The following GABBR2 variants were observed in gnomAD, a reference collection of about 807,000 sequenced individuals.
GABBR2 encodes the protein G-protein coupled receptor 51.
GABBR2 carries 23 observed loss-of-function variants against 105.6 expected under a neutral mutation model. That is an observed-to-expected ratio of 0.22 (90% CI 0.16 to 0.31). The LOEUF (loss-of-function observed/expected upper bound fraction) is 0.31. Among genes scored for constraint, GABBR2 ranks in the 10% least tolerant of loss-of-function variants. The pLI is 1.00. For missense variants in GABBR2, 734 were observed against 1,245.5 expected, an observed-to-expected ratio of 0.59 and a Z score of 6.18; for synonymous variants, 478 against 499.7, an observed-to-expected ratio of 0.96 and a Z score of 0.58.
chr9:98,290,506 G>A lies in GABBR2; in HGVS notation c.*78C>T, dbSNP rs776495192. 17 of 1,056,050 alleles carry A rather than the reference G, an allele frequency of 1.6e-5. No homozygotes were observed. The highest frequency in any genetic ancestry group is 4.9e-5 in the African/African-American group (3 of 60,816). The allele number at this position is 1,056,050 out of a possible 1,614,324, so 65.4% of individuals were successfully genotyped here. ...GCCCAGCTTCTCCGCAGCCAGAGCC[G>A]ACAGTGTTTCTGCAGCAGACCCCTC... On this transcript the variant is annotated 3_prime_UTR_variant, in exon 19 of 19. Coordinates refer to ENST00000259455, the MANE Select transcript of GABBR2 (RefSeq NM_005458.8).
At chr9:98,592,581 T>C (rs1002075725) in intron 1 of GABBR2, among the ~76,000 whole-genome samples, 18 of 152,198 alleles carry the variant, frequency 1.2e-4, no homozygotes, top group South Asian at 4.1e-4. Context: ...CAGGCTATCA[T>C]ACTCCAAACC....
At chr9:98,516,213 G>A (rs1827754581) in intron 3 of GABBR2, 2 of 152,382 alleles carry the variant, frequency 1.3e-5, no homozygotes, top group South Asian at 4.1e-4. Context: ...ATCACAATCA[G>A]AGAATGGTAA....
chr9:98,350,161 ATTGATT>A (rs1831372230), intron 13 of GABBR2, among the ~76,000 whole-genome samples: 1 of 116,890 alleles, frequency 8.6e-6, no homozygotes, highest in African/African-American at 3.3e-5. Flanking sequence ...CTAGTGGTTT[ATTGATT>A]TTATCTTCTC....
At chr9:98,603,459 T>C (rs1223390199) in intron 1 of GABBR2, among the ~76,000 whole-genome samples, 1 of 152,202 alleles carries the variant, frequency 6.6e-6, no homozygotes, top group Admixed American at 6.5e-5. Context: ...TCTTATCCAG[T>C]TTCCCCTTGG....
At chr9:98,659,383 C>T (rs1010101588) in intron 1 of GABBR2, among the ~76,000 whole-genome samples, 2 of 151,742 alleles carry the variant, frequency 1.3e-5, no homozygotes, top group Middle Eastern at 3.2e-3. Flanking sequence ...GAAAATCAGA[C>T]GATACAGATC....
chr9:98,306,404 C>A lies in GABBR2; in HGVS notation c.2005-59G>T. The A allele has an allele frequency of 8.5e-7, 1 of 1,172,752 alleles. No individual in the cohort carries two copies. Among genetic ancestry groups the A allele is most frequent in the Non-Finnish European group, 1.2e-6 (1 of 806,284 alleles). The allele number at this position is 1,172,752 out of a possible 1,614,324, so 72.6% of individuals were successfully genotyped here. A position where few individuals can be genotyped will look rare whatever the true frequency, so the allele number is the denominator to read the frequency against. ...GTTACCAAGGGGTGGCACACACAGG[C>A]TGCTCTGAGAAGCTGTGGAGTGGAG... On this transcript the variant is annotated intron_variant, in intron 14 of 18. Coordinates refer to ENST00000259455, the MANE Select transcript of GABBR2 (RefSeq NM_005458.8). The surrounding 1 kb of genome is among the most constrained non-coding windows in gnomAD (Gnocchi z 5.4).
Position 98,290,483 on chromosome 9 carries a change from C to T in GABBR2, c.*101G>A. ...GGTCCTGAGAGGCCAGCCATGGTGC[C>T]CAGCTTCTCCGCAGCCAGAGCCGAC... On this transcript the variant is annotated 3_prime_UTR_variant, in exon 19 of 19. Transcript: ENST00000259455. 1 of 870,886 alleles carries T rather than the reference C, an allele frequency of 1.1e-6. No homozygotes were observed. Among genetic ancestry groups the T allele is most frequent in the South Asian group, 4.9e-5 (1 of 20,426 alleles). The allele number at this position is 870,886 out of a possible 1,614,324, so 53.9% of individuals were successfully genotyped here.
chr9:98,514,965 G>A (rs1322721997), intron 3 of GABBR2, among the ~76,000 whole-genome samples: 1 of 152,112 alleles, frequency 6.6e-6, no homozygotes, highest in Non-Finnish European at 1.5e-5. Context: ...GGGGACTGGC[G>A]TGGCACCTGG....
At chr9:98,416,941 T>C (rs1264559556) in intron 7 of GABBR2, among the ~76,000 whole-genome samples, 2 of 152,174 alleles carry the variant, frequency 1.3e-5, no homozygotes, top group African/African-American at 4.8e-5. Flanking sequence ...TTTTGGGACT[T>C]GGTCCTCCAA....
At chr9:98,598,284 T>G (rs987266007) in intron 1 of GABBR2, among the ~76,000 whole-genome samples, 1 of 152,094 alleles carries the variant, frequency 6.6e-6, no homozygotes, top group Non-Finnish European at 1.5e-5. Context: ...GACAGGAGCG[T>G]CTTCATTTTC....
chr9:98,471,849 C>G (rs1826688675), intron 6 of GABBR2, among the ~76,000 whole-genome samples: 4 of 152,194 alleles, frequency 2.6e-5, no homozygotes, highest in Non-Finnish European at 5.9e-5. Context: ...ATAACACTTA[C>G]TGAATAAATG....
At chr9:98,409,624 A>C (rs138206645) in intron 7 of GABBR2, among the ~76,000 whole-genome samples, 1 of 152,130 alleles carries the variant, frequency 6.6e-6, no homozygotes, top group Admixed American at 6.5e-5. Context: ...CCTTGCACCC[A>C]ATCAGAGCTA....
At chr9:98,629,243 G>A (rs1829785648) in intron 1 of GABBR2, among the ~76,000 whole-genome samples, 1 of 152,016 alleles carries the variant, frequency 6.6e-6, no homozygotes, top group African/African-American at 2.4e-5. Flanking sequence ...TTTACAAAGG[G>A]AAAAATAGAG....
At chr9:98,466,032 C>T (rs1198733457) in intron 6 of GABBR2, among the ~76,000 whole-genome samples, 3 of 152,182 alleles carry the variant, frequency 2.0e-5, no homozygotes, top group South Asian at 2.1e-4. Flanking sequence ...GCACCTCCCC[C>T]TTTGCTCTCT....
chr9:98,403,616 G>A (rs1047546942), intron 8 of GABBR2, among the ~76,000 whole-genome samples: 8 of 152,066 alleles, frequency 5.3e-5, no homozygotes, highest in Non-Finnish European at 8.8e-5. Flanking sequence ...GCAGGGAGCC[G>A]CTATTAGGGG....
chr9:98,372,793 G>A (rs565349), intron 11 of GABBR2, among the ~76,000 whole-genome samples: 134,003 of 152,176 alleles, frequency 0.88, 59,118 homozygotes, highest in South Asian at 0.94. Context: ...AACATTTTGC[G>A]TTTCAATTTT....
intron 3 of GABBR2, among the ~76,000 whole-genome samples, chr9:98,539,744 C>T (rs909770371): frequency 1.3e-4 from 19 of 151,762 alleles, no homozygotes; most frequent in Admixed American, 5.2e-4. Flanking sequence ...GGTGAAACCC[C>T]GTCTCTACTA....
intron 1 of GABBR2, among the ~76,000 whole-genome samples, chr9:98,609,936 G>T (rs1205188425): frequency 6.6e-6 from 1 of 152,206 alleles, no homozygotes; most frequent in Non-Finnish European, 1.5e-5. Flanking sequence ...AAGCCAAAAG[G>T]GCAGAGGGGC....
chr9:98,707,016 G>A (rs1207600717), intron 1 of GABBR2, among the ~76,000 whole-genome samples: 2 of 152,234 alleles, frequency 1.3e-5, no homozygotes, highest in Non-Finnish European at 2.9e-5. Context: ...CTCTCCGCCT[G>A]CAGCAGCCTG....
Sources: allele counts gnomAD v4.1 joint callset (sites outside exome capture counted in the v4.1 genomes callset), GRCh38; gene constraint gnomAD v4.1.1; non-coding constraint Gnocchi (gnomAD v3.1); transcripts MANE v1.5; gene names NCBI Gene and HGNC (gene_info 2026-07-23, HGNC 2026-07-21).